The following PSKH1 variants were observed in gnomAD, a reference collection of about 807,000 sequenced individuals.
PSKH1 encodes serine/threonine-protein kinase H1.
A neutral mutation model predicts 26.7 loss-of-function variants in PSKH1; 12 were observed. That is an observed-to-expected ratio of 0.45 (90% CI 0.29 to 0.73). The LOEUF (loss-of-function observed/expected upper bound fraction) is 0.73. Ranked by LOEUF, PSKH1 falls within the 30% of genes least tolerant of loss-of-function variation. The pLI is 0.11. For synonymous variants in PSKH1, 213 were observed against 234.3 expected (o/e 0.91, Z 0.83); for missense variants, 431 against 595.2 (o/e 0.72, Z 2.87).
intron 2 of PSKH1, among the ~76,000 whole-genome samples, chr16:67,913,106 G>A (rs1433745099): frequency 6.6e-6 from 1 of 151,908 alleles, no homozygotes; most frequent in East Asian, 2.0e-4. Context: ...GATCACTTGA[G>A]CCCAGGAGTT....
intron 1 of PSKH1, among the ~76,000 whole-genome samples, chr16:67,894,175 G>C (rs2058119754): frequency 6.6e-6 from 1 of 152,128 alleles, no homozygotes; most frequent in African/African-American, 2.4e-5. Context: ...TACTAATTTT[G>C]AGACAAGGCC....
chr16:67,911,217 C>CCATAGGGTGTTTCCTT (rs1264614676), intron 2 of PSKH1, among the ~76,000 whole-genome samples: 2 of 152,186 alleles, frequency 1.3e-5, no homozygotes, highest in African/African-American at 4.8e-5. Flanking sequence ...AGGGGGCTCC[C>CCATAGGGTGTTTCCTT]CATAGGGTGT....
intron 1 of PSKH1, among the ~76,000 whole-genome samples, chr16:67,907,703 G>T (rs1328773134): frequency 6.6e-6 from 1 of 152,198 alleles, no homozygotes; most frequent in Non-Finnish European, 1.5e-5. Flanking sequence ...CATGTAGTGT[G>T]CTGGGGAAGT....
chr16:67,907,943 C>A (rs1455566945), intron 1 of PSKH1, among the ~76,000 whole-genome samples: 1 of 152,116 alleles, frequency 6.6e-6, no homozygotes, highest in Non-Finnish European at 1.5e-5. Context: ...AGAGAGCAGG[C>A]CTCCAACACT....
intron 2 of PSKH1, among the ~76,000 whole-genome samples, chr16:67,919,790 T>A (rs1470910378): frequency 6.6e-6 from 1 of 152,186 alleles, no homozygotes; most frequent in Non-Finnish European, 1.5e-5. Context: ...CAGAGGAAGC[T>A]CTGAGTGGAG....
At chr16:67,914,396 G>C (rs1363861379) in intron 2 of PSKH1, among the ~76,000 whole-genome samples, 1 of 151,786 alleles carries the variant, frequency 6.6e-6, no homozygotes, top group Non-Finnish European at 1.5e-5. Context: ...CAGGTGATCC[G>C]CCTGCCTCAG....
intron 1 of PSKH1, among the ~76,000 whole-genome samples, chr16:67,902,097 TAAA>T (rs754349695): frequency 1.1e-3 from 174 of 151,982 alleles, no homozygotes; most frequent in Non-Finnish European, 1.6e-3. Context: ...CTGTCTCTAC[TAAA>T]AATACAAAAA....
At chr16:67,903,350 C>T (rs1333484963) in intron 1 of PSKH1, among the ~76,000 whole-genome samples, 1 of 152,144 alleles carries the variant, frequency 6.6e-6, no homozygotes, top group African/African-American at 2.4e-5. Context: ...TAGGGTCTTT[C>T]TGTGTTGCCC....
intron 1 of PSKH1, among the ~76,000 whole-genome samples, chr16:67,897,560 G>C (rs1420081802): frequency 6.6e-6 from 1 of 152,200 alleles, no homozygotes; most frequent in Non-Finnish European, 1.5e-5. Context: ...TAAGATTAGA[G>C]ACTATGGCCG....
At chr16:67,920,272 T>C (rs1011529846) in intron 2 of PSKH1, among the ~76,000 whole-genome samples, 4 of 152,192 alleles carry the variant, frequency 2.6e-5, no homozygotes, top group African/African-American at 9.7e-5. Flanking sequence ...TATTATTTTT[T>C]AATAGAGACA....
chr16:67,896,447 GT>G (rs779050468), intron 1 of PSKH1, among the ~76,000 whole-genome samples: 2 of 151,792 alleles, frequency 1.3e-5, no homozygotes, highest in Non-Finnish European at 2.9e-5. Context: ...GTTCTTCAGG[GT>G]TAGTTGTGTG....
At chr16:67,902,438 G>T (rs895502203) in intron 1 of PSKH1, among the ~76,000 whole-genome samples, 1 of 151,932 alleles carries the variant, frequency 6.6e-6, no homozygotes, top group African/African-American at 2.4e-5. Flanking sequence ...GGGATTACAG[G>T]CGCGTGCCAT....
chr16:67,927,256 A>G lies in PSKH1; in HGVS notation c.958-69A>G. 1 of 1,455,612 alleles carries G rather than the reference A, an allele frequency of 6.9e-7. No individual in the cohort carries two copies. The highest frequency in any genetic ancestry group is 9.4e-7 in the Non-Finnish European group (1 of 1,066,788). 90.2% of individuals were successfully genotyped at this position (1,455,612 alleles called of 1,614,324 possible). ...TCTGGAAAGGGGAGGGTTGCTGAGTAGTGGCCTCATCCAGATGGGGTGGGC... is the reference window on the plus strand; with the variant it reads ...TCTGGAAAGGGGAGGGTTGCTGAGTGGTGGCCTCATCCAGATGGGGTGGGC... On this transcript the variant is annotated intron_variant, in intron 2 of 2. Transcript: ENST00000291041. The surrounding 1 kb of genome is among the most constrained non-coding windows in gnomAD (Gnocchi z 5.5).
At chr16:67,893,444 C>T (rs970882556) in intron 1 of PSKH1, 73 bp downstream of exon 1, 2 of 152,294 alleles carry the variant, frequency 1.3e-5, no homozygotes, top group Non-Finnish European at 2.9e-5. Flanking sequence ...TGGTCGCTTT[C>T]TGGCGCTCCG....
intron 2 of PSKH1, among the ~76,000 whole-genome samples, chr16:67,911,915 T>C (rs1259476203): frequency 6.6e-6 from 1 of 152,238 alleles, no homozygotes; most frequent in Non-Finnish European, 1.5e-5. Flanking sequence ...GCTGACTCTG[T>C]CACAGGCACA....
intron 1 of PSKH1, among the ~76,000 whole-genome samples, chr16:67,897,149 C>T (rs1225936326): frequency 2.0e-5 from 3 of 152,270 alleles, no homozygotes; most frequent in South Asian, 2.1e-4. Flanking sequence ...CACTGACTCC[C>T]GGGTGTTATA....
intron 1 of PSKH1, among the ~76,000 whole-genome samples, chr16:67,895,285 G>A (rs2058123146): frequency 6.6e-6 from 1 of 151,494 alleles, no homozygotes; most frequent in Non-Finnish European, 1.5e-5. Flanking sequence ...GGCTGGTGTC[G>A]AACTCCTGGG....
intron 2 of PSKH1, among the ~76,000 whole-genome samples, chr16:67,920,045 C>A (rs2058197845): frequency 6.6e-6 from 1 of 152,198 alleles, no homozygotes; most frequent in Admixed American, 6.5e-5. Flanking sequence ...CCACCTCCAG[C>A]CCTTGAGGCC....
rs1254622942 is a variant in PSKH1, at chr16:67,909,181, G to A, written c.432G>A (p.Leu144=). Residue 144 remains leucine, a synonymous_variant, in exon 2 of 3, where the codon CTG becomes CTA. Transcript: ENST00000291041. This position sits in a 1 kb window ranked among gnomAD's most constrained non-coding sequence, Gnocchi z 7.8. Reference sequence around the variant, plus strand: ...GGCGGGAGGTGTGTGAGTCGGAGCTGCGTGTGCTGCGTCGGGTGCGTCATG... The same window carrying A: ...GGCGGGAGGTGTGTGAGTCGGAGCTACGTGTGCTGCGTCGGGTGCGTCATG... ...REGREVCESE[L]RVLRRVRHAN... is the part of the protein sequence containing the mutation. 6 of 1,614,172 alleles carry A rather than the reference G, an allele frequency of 3.7e-6. No individual in the cohort carries two copies. Among genetic ancestry groups the A allele is most frequent in the Non-Finnish European group, 5.1e-6 (6 of 1,180,042 alleles).
Sources: gnomAD v4.1 joint callset for allele counts (sites outside exome capture counted in the v4.1 genomes callset) on GRCh38, gnomAD v4.1.1 for gene constraint, Gnocchi (gnomAD v3.1) non-coding constraint, MANE v1.5 for transcripts, NCBI Gene and HGNC (gene_info 2026-07-23, HGNC 2026-07-21) for gene names.